The following GRB10 variants were observed in gnomAD, a reference collection of about 807,000 sequenced individuals.
The protein encoded by GRB10 is growth factor receptor bound protein 10, also known as growth factor receptor-bound protein 10.
Under a neutral mutation model 80.9 loss-of-function variants are expected in GRB10, and 20 were observed. The observed-to-expected ratio is 0.25, with a 90% CI of 0.17 to 0.36. GRB10 has a LOEUF of 0.36. GRB10 is among the 10% of genes least tolerant of loss of function. GRB10 has a pLI of 1.00. For synonymous variants in GRB10, 291 were observed against 291.5 expected, an observed-to-expected ratio of 1.00 and a Z score of 0.02; for missense variants, 548 against 747.7, an observed-to-expected ratio of 0.73 and a Z score of 3.12.
At chr7:50,753,278 T>G (rs1198950472) in intron 3 of GRB10, among the ~76,000 whole-genome samples, 1 of 152,216 alleles carries the variant, frequency 6.6e-6, no homozygotes, top group African/African-American at 2.4e-5. Context: ...CCCCAGGGGA[T>G]TGGGCTTCAA....
At chr7:50,661,072 C>T (rs2059221619) in intron 7 of GRB10, among the ~76,000 whole-genome samples, 1 of 152,230 alleles carries the variant, frequency 6.6e-6, no homozygotes, top group South Asian at 2.1e-4. Flanking sequence ...GCAAGGCCCA[C>T]CAGCAAACTG....
intron 4 of GRB10, among the ~76,000 whole-genome samples, chr7:50,704,226 C>T (rs928957654): frequency 1.3e-5 from 2 of 152,176 alleles, no homozygotes; most frequent in African/African-American, 4.8e-5. Flanking sequence ...AAATAATTAA[C>T]ATTCCATGGA....
At chr7:50,776,650 G>A (rs995634941) in intron 2 of GRB10, among the ~76,000 whole-genome samples, 2 of 152,132 alleles carry the variant, frequency 1.3e-5, no homozygotes, top group Non-Finnish European at 2.9e-5. Context: ...AATATCCTAG[G>A]TTGTCACTCT....
chr7:50,673,684 C>A (rs2060595893), intron 6 of GRB10, among the ~76,000 whole-genome samples: 1 of 152,174 alleles, frequency 6.6e-6, no homozygotes, highest in Non-Finnish European at 1.5e-5. Flanking sequence ...TCTACCACTG[C>A]CCCCACGACC....
chr7:50,655,647 A>G (rs2058571892), intron 7 of GRB10, among the ~76,000 whole-genome samples: 1 of 152,188 alleles, frequency 6.6e-6, no homozygotes, highest in Admixed American at 6.5e-5. Context: ...CCTCCAGCCC[A>G]GTCCATCCTT....
chr7:50,654,922 T>A (rs1245438077), intron 7 of GRB10, among the ~76,000 whole-genome samples: 2 of 152,034 alleles, frequency 1.3e-5, no homozygotes, highest in Non-Finnish European at 2.9e-5. Context: ...ACAGACCTCA[T>A]CCAAATTTAG....
At chr7:50,783,378 A>G (rs115225346), upstream of GRB10, among the ~76,000 whole-genome samples, 259 of 152,164 alleles carry the variant, frequency 1.7e-3, no homozygotes, top group African/African-American at 6.1e-3. Context: ...GATCCTATAC[A>G]TACCAAGCAT....
At chr7:50,726,679 A>T (rs1388405144) in intron 4 of GRB10, among the ~76,000 whole-genome samples, 2 of 152,232 alleles carry the variant, frequency 1.3e-5, no homozygotes, top group Non-Finnish European at 2.9e-5. Context: ...AGCACACATG[A>T]CACATTTAGG....
At chr7:50,641,231 G>T (rs911672933) in intron 7 of GRB10, among the ~76,000 whole-genome samples, 1 of 150,054 alleles carries the variant, frequency 6.7e-6, no homozygotes, top group African/African-American at 2.5e-5. Flanking sequence ...GGAAAGAGTT[G>T]CTTGCATCAC....
At chr7:50,615,563 G>A (rs1023249339) in intron 11 of GRB10, among the ~76,000 whole-genome samples, 7 of 152,150 alleles carry the variant, frequency 4.6e-5, no homozygotes, top group African/African-American at 9.7e-5. Context: ...CTGGGGTCCC[G>A]CCAGCTCCCT....
At chr7:50,666,046 C>A (rs1479053607) in intron 7 of GRB10, among the ~76,000 whole-genome samples, 1 of 152,202 alleles carries the variant, frequency 6.6e-6, no homozygotes, top group African/African-American at 2.4e-5. Flanking sequence ...ACTTGGTAAG[C>A]CTGCCTGGGG....
At chr7:50,598,258 A>G (rs975239256) in intron 17 of GRB10, among the ~76,000 whole-genome samples, 1 of 152,218 alleles carries the variant, frequency 6.6e-6, no homozygotes, top group Non-Finnish European at 1.5e-5. Flanking sequence ...GTAGCTTGAA[A>G]TAACAATCAC....
chr7:50,644,191 G>T (rs1334164553), intron 7 of GRB10, among the ~76,000 whole-genome samples: 1 of 152,166 alleles, frequency 6.6e-6, no homozygotes, highest in Non-Finnish European at 1.5e-5. Context: ...TCACAGACTA[G>T]GAGCTCAATG....
At chr7:50,640,493 C>T (rs2056033246) in intron 7 of GRB10, among the ~76,000 whole-genome samples, 1 of 152,230 alleles carries the variant, frequency 6.6e-6, no homozygotes, top group Admixed American at 6.5e-5. Context: ...TGCCCCTCCA[C>T]CCTTCTCTTT....
At chr7:50,634,056 C>T (rs2529387) in intron 7 of GRB10, among the ~76,000 whole-genome samples, 80,160 of 151,968 alleles carry the variant, frequency 0.53, 21,280 homozygotes, top group Admixed American at 0.54. Flanking sequence ...AGAGATACTA[C>T]AGAAGATGCA....
Position 50,774,330 on chromosome 7 carries a change from A to G in GRB10, c.-217+6297T>C, listed in dbSNP as rs139273765. ...ATTAATTGAACACTATATACAATGT[A>G]TGTGTGTGTGTTTATTCATTTCTGC... is the stretch of plus-strand genomic sequence containing the variant. On this transcript the variant is annotated intron_variant, in intron 2 of 18. Coordinates refer to ENST00000401949, the MANE Select transcript of GRB10 (RefSeq NM_001350814.2). Among the ~76,000 whole-genome samples the G allele has an allele frequency of 4.1e-3, 629 of 152,290 alleles. 1 individual carries two copies. Among genetic ancestry groups the G allele is most frequent in the Middle Eastern group, 0.017 (5 of 294 alleles).
intron 17 of GRB10, among the ~76,000 whole-genome samples, chr7:50,602,558 T>C (rs2047789646): frequency 6.6e-6 from 1 of 152,176 alleles, no homozygotes. Context: ...CCCACTTCTT[T>C]AACAAACAAA....
At chr7:50,731,744 C>T (rs767785687) in intron 4 of GRB10, among the ~76,000 whole-genome samples, 2 of 152,184 alleles carry the variant, frequency 1.3e-5, no homozygotes, top group Admixed American at 6.5e-5. Flanking sequence ...TGTTCTCCCA[C>T]AAAATTCCAC....
rs559309132 is a variant in GRB10, at chr7:50,697,793, CT to C, written c.139+6027del. 5.3e-5 allele frequency among the ~76,000 whole-genome samples: 8 copies of C among 152,316 alleles called. No homozygotes were observed. The South Asian group carries it at 1.5e-3, about 28-fold the overall frequency. On this transcript the variant is annotated intron_variant, in intron 5 of 18. Coordinates refer to ENST00000401949, the MANE Select transcript of GRB10 (RefSeq NM_001350814.2). ...GATGGGAAAGGGAAGGCACTGACTCCTGTAGGCTGTGCTGTGGGCTGAACCA... is the reference window on the plus strand; with the variant it reads ...GATGGGAAAGGGAAGGCACTGACTCCGTAGGCTGTGCTGTGGGCTGAACCA...
Sources: gnomAD v4.1 joint callset for allele counts (sites outside exome capture counted in the v4.1 genomes callset) on GRCh38, gnomAD v4.1.1 for gene constraint, MANE v1.5 for transcripts, NCBI Gene and HGNC (gene_info 2026-07-23, HGNC 2026-07-21) for gene names.